Variants in FKBP15 observed in about 807,000 individuals in gnomAD.
FKBP15 encodes the protein FK506-binding protein 15.
Under a neutral mutation model 158.1 loss-of-function variants are expected in FKBP15, and 106 were observed. The ratio of observed to expected loss-of-function variants is 0.67; its 90% CI spans 0.57 to 0.79. FKBP15 has a LOEUF of 0.79. Among genes scored for constraint, FKBP15 ranks in the 30% least tolerant of loss-of-function variants. The pLI is 0.00. For missense variants in FKBP15, 1,287 were observed against 1,479.1 expected (o/e 0.87, Z 2.13); for synonymous variants, 547 against 548.6 (o/e 1.00, Z 0.04).
rs372900474 is a variant in FKBP15, at chr9:113,186,275, G to A, written c.1472C>T (p.Pro491Leu). Residue 491 changes from proline to leucine, a missense_variant, in exon 15 of 28, where the codon CCG becomes CTG. Transcript: ENST00000238256. ...TTGGAAATGGGGAGGCTGAGAGAGCGGTGCTGGGTACAAAGGCCGAACGGG... is the reference window on the plus strand; with the variant it reads ...TTGGAAATGGGGAGGCTGAGAGAGCAGTGCTGGGTACAAAGGCCGAACGGG... ...LQPVRPLYPA[P>L]LSQPPHFQGS... 2.1e-5 allele frequency: 33 copies of A among 1,566,740 alleles called. No homozygotes were observed. The highest frequency in any genetic ancestry group is 4.1e-5 in the African/African-American group (3 of 73,876).
At chr9:113,176,746 C>G in intron 20 of FKBP15, 73 bp from the exon 21 acceptor site, 3 of 1,494,006 alleles carry the variant, frequency 2.0e-6, no homozygotes, top group South Asian at 2.6e-5. Context: ...CCCAGCAGCT[C>G]TTTTTTTAAA....
rs1490112265 is a variant in FKBP15 at position 113,194,214 on chromosome 9, A to G, written c.865-45T>C. On this transcript the variant is annotated intron_variant, in intron 9 of 27. Coordinates refer to ENST00000238256, the MANE Select transcript of FKBP15 (RefSeq NM_015258.2). ...TCTCACTCATAGGTGGGAATTGAAC[A>G]ATGAGATCACATGGACACAGGAAGG... 1.0e-5 allele frequency: 15 copies of G among 1,465,694 alleles called. No individual in the cohort carries two copies. In the Admixed American group the frequency reaches 2.8e-4, roughly 27 times the overall value. 90.8% of individuals were successfully genotyped at this position (1,465,694 alleles called of 1,614,324 possible). A position where few individuals can be genotyped will look rare whatever the true frequency, so the allele number is the denominator to read the frequency against.
At chr9:113,169,138 G>A (rs1254776657) in intron 26 of FKBP15, 86 bp downstream of exon 26, 1 of 1,477,786 alleles carries the variant, frequency 6.8e-7, no homozygotes, top group Non-Finnish European at 9.0e-7. Flanking sequence ...TAGTCTCTGA[G>A]GGATGAGTTG....
chr9:113,190,419 A>C, intron 12 of FKBP15, 52 bp downstream of exon 12: 1 of 1,385,038 alleles, frequency 7.2e-7, no homozygotes, highest in South Asian at 1.2e-5. Context: ...ATGAAAAGAA[A>C]GATGATGGCG....
At chr9:113,171,522 A>T in intron 24 of FKBP15, 59 bp downstream of exon 24, 1 of 1,573,682 alleles carries the variant, frequency 6.4e-7, no homozygotes, top group South Asian at 1.2e-5. Flanking sequence ...CATACTGGCC[A>T]TGTTCTTTCT....
intron 19 of FKBP15, 81 bp downstream of exon 19, chr9:113,182,685 C>T: frequency 9.1e-7 from 1 of 1,098,204 alleles, no homozygotes; most frequent in South Asian, 1.3e-5. Context: ...TGTTGGAAAG[C>T]CGACTGGTGA....
At chr9:113,166,966 A>G (rs1219897614) in intron 27 of FKBP15, among the ~76,000 whole-genome samples, 1 of 152,210 alleles carries the variant, frequency 6.6e-6, no homozygotes, top group Non-Finnish European at 1.5e-5. Flanking sequence ...ACCAGAATCC[A>G]TCTTCACAGG....
rs372271960 is a variant in FKBP15, at chr9:113,211,490, T to C, written c.156A>G (p.Gly52=). 1.2e-6 allele frequency: 2 copies of C among 1,607,718 alleles called. No individual in the cohort carries two copies. The highest frequency in any genetic ancestry group is 1.7e-6 in the Non-Finnish European group (2 of 1,177,204). The part of the protein sequence containing the change: ...TAPKQPKKGQ[G]TAATGNQATP... ...CTCTTAACTTACCTGTTGCTGCCGT[T>C]CCCTGGCCTTTCTTAGGCTGTTTTG... The change falls in exon 2 of 28, where the codon GGA becomes GGG. Residue 52 remains glycine (G), a synonymous_variant. Transcript: ENST00000238256.
chr9:113,184,879 C>A lies in FKBP15; in HGVS notation c.1499-75G>T. On this transcript the variant is annotated intron_variant, in intron 15 of 27. Coordinates refer to ENST00000238256, the MANE Select transcript of FKBP15 (RefSeq NM_015258.2). The surrounding 1 kb of genome is among the most constrained non-coding windows in gnomAD (Gnocchi z 4.5). ...ACTGTATGAAGAAAAGCTAGTAGCT[C>A]TTCCAGTAAAGAAAGAAATTAATAC... The A allele has an allele frequency of 8.8e-7, 1 of 1,141,258 alleles. No homozygotes were observed. The highest frequency in any genetic ancestry group is 1.6e-5 in the African/African-American group (1 of 64,446). The allele number at this position is 1,141,258 out of a possible 1,614,324, so 70.7% of individuals were successfully genotyped here. A position where few individuals can be genotyped will look rare whatever the true frequency, so the allele number is the denominator to read the frequency against.
intron 2 of FKBP15, among the ~76,000 whole-genome samples, chr9:113,209,155 T>C (rs1365980658): frequency 6.6e-6 from 1 of 152,176 alleles, no homozygotes; most frequent in Non-Finnish European, 1.5e-5. Context: ...ATAGTTGCTG[T>C]CTTCTGATTT....
Position 113,197,038 on chromosome 9 carries a change from T to G in FKBP15, c.758A>C (p.Lys253Thr), listed in dbSNP as rs1258934545. Residue 253 changes from lysine (K) to threonine (T), a missense_variant, in exon 9 of 28, where the codon AAG (lysine) becomes ACG (threonine). Physicochemically the swap from Lys to Thr is moderately conservative, Grantham distance 78. Coordinates refer to ENST00000238256, the MANE Select transcript of FKBP15 (RefSeq NM_015258.2). ...DGMLGMKKGG[K>T]RLLIVPPACA... ...GGCTGGAGGGACAATAAGCAATCGCTTTCCTCCTTTTTTCATGCCCAGCAT... is the reference window on the plus strand; with the variant it reads ...GGCTGGAGGGACAATAAGCAATCGCGTTCCTCCTTTTTTCATGCCCAGCAT... The G allele has an allele frequency of 6.2e-7, 1 of 1,613,906 alleles. No homozygotes were observed. Among genetic ancestry groups the G allele is most frequent in the Admixed American group, 1.7e-5 (1 of 60,012 alleles).
rs1489112871 is a variant in FKBP15 at position 113,164,645 on chromosome 9, C to G, written c.*1433G>C. On this transcript the variant is annotated 3_prime_UTR_variant, in exon 28 of 28. Coordinates refer to ENST00000238256, the MANE Select transcript of FKBP15 (RefSeq NM_015258.2). ...AGCCTGTTTCTAAAAGCATCACCGC[C>G]CCTTCCCCCAACCAGTGACAGTCAG... The G allele has an allele frequency of 1.3e-5, 2 of 152,334 alleles. No individual in the cohort carries two copies. The highest frequency in any genetic ancestry group is 2.4e-5 in the African/African-American group (1 of 41,458). The allele number at this position is 152,334 out of a possible 1,614,324, so 9.4% of individuals were successfully genotyped here.
intron 9 of FKBP15, 31 bp downstream of exon 9, chr9:113,196,901 C>A: frequency 6.2e-7 from 1 of 1,608,416 alleles, no homozygotes; most frequent in Non-Finnish European, 8.5e-7. Flanking sequence ...GCAGAGGACT[C>A]ATCAAACAAA....
rs1159072877 is a variant in FKBP15, at chr9:113,165,915, G to C, written c.*163C>G. 1.7e-6 allele frequency: 1 copy of C among 572,932 alleles called. No individual in the cohort carries two copies. The highest frequency in any genetic ancestry group is 3.0e-5 in the Admixed American group (1 of 33,170). The allele number at this position is 572,932 out of a possible 1,614,324, so 35.5% of individuals were successfully genotyped here. On this transcript the variant is annotated 3_prime_UTR_variant, in exon 28 of 28. Transcript: ENST00000238256. ...ATCCTCTTCACCAGGTCTGGCGGGG[G>C]TGGGGCTCAGAAGGTGGCCAACCCA...
intron 9 of FKBP15, among the ~76,000 whole-genome samples, chr9:113,195,577 G>T (rs1054772895): frequency 8.5e-5 from 13 of 152,180 alleles, no homozygotes; most frequent in Admixed American, 3.3e-4. Context: ...GAACAGTTAG[G>T]AAAGCGTCAC....
chr9:113,211,044 A>G (rs1056495762), intron 2 of FKBP15, among the ~76,000 whole-genome samples: 2 of 152,224 alleles, frequency 1.3e-5, no homozygotes, highest in African/African-American at 2.4e-5. Context: ...ACAGCCTATC[A>G]TGGGGCTTTA....
intron 1 of FKBP15, among the ~76,000 whole-genome samples, chr9:113,216,927 C>T (rs1274844870): frequency 2.3e-5 from 3 of 129,230 alleles, no homozygotes; most frequent in Non-Finnish European, 4.8e-5. Context: ...TTTTTTGAGA[C>T]GGAATTTTGC....
intron 19 of FKBP15, among the ~76,000 whole-genome samples, chr9:113,179,030 TA>T (rs201990744): frequency 5.1e-4 from 77 of 150,332 alleles, no homozygotes; most frequent in South Asian, 8.4e-4. Context: ...CCAGTATACT[TA>T]AAATTTTTTT....
chr9:113,214,567 A>C (rs982328405), intron 1 of FKBP15, among the ~76,000 whole-genome samples: 11 of 152,214 alleles, frequency 7.2e-5, no homozygotes, highest in African/African-American at 2.7e-4. Context: ...AGGCAGAGTA[A>C]ATTTAGCATA....
Sources: allele counts gnomAD v4.1 joint callset (sites outside exome capture counted in the v4.1 genomes callset), GRCh38; gene constraint gnomAD v4.1.1; non-coding constraint Gnocchi (gnomAD v3.1); transcripts MANE v1.5; gene names NCBI Gene and HGNC (gene_info 2026-07-23, HGNC 2026-07-21).